DISP1: variants seen among roughly 807,000 people sequenced by gnomAD.
The protein encoded by DISP1 is protein dispatched homolog 1.
Under a neutral mutation model 37.3 loss-of-function variants are expected in DISP1, and 30 were observed. The observed-to-expected ratio is 0.80, with a 90% confidence interval of 0.60 to 1.09. The LOEUF (loss-of-function observed/expected upper bound fraction) is 1.09. Among genes scored for constraint, DISP1 ranks in the 50% least tolerant of loss-of-function variants. The pLI is 0.00. For missense variants in DISP1, 1,598 were observed against 1,879.5 expected (o/e 0.85, Z 2.77); for synonymous variants, 634 against 690.2 (o/e 0.92, Z 1.28).
intron 3 of DISP1, among the ~76,000 whole-genome samples, chr1:222,971,701 TC>T (rs1676970657): frequency 6.6e-6 from 1 of 152,120 alleles, no homozygotes; most frequent in African/African-American, 2.4e-5. Context: ...GAAGGCCTTG[TC>T]CTGTTAACAA....
intron 8 of DISP1, among the ~76,000 whole-genome samples, chr1:223,001,834 CATTCAG>C (rs1469748505): frequency 6.6e-6 from 1 of 152,186 alleles, no homozygotes; most frequent in African/African-American, 2.4e-5. Flanking sequence ...GGAGCACAAA[CATTCAG>C]ACCAAAGCAG....
intron 1 of DISP1, among the ~76,000 whole-genome samples, chr1:222,832,619 G>A (rs1375545285): frequency 6.6e-6 from 1 of 152,180 alleles, no homozygotes; most frequent in African/African-American, 2.4e-5. Context: ...TGAAGGCCCG[G>A]CATGGTGGCT....
intron 3 of DISP1, among the ~76,000 whole-genome samples, chr1:222,975,215 G>A (rs1677225070): frequency 6.6e-6 from 1 of 151,762 alleles, no homozygotes; most frequent in Admixed American, 6.6e-5. Context: ...TATAGAGATA[G>A]GGGCTCACTA....
In DISP1 at chr1:222,887,486, G is replaced by GTTTT. The variant is rs940346379; in HGVS notation, c.-158-40924_-158-40921dup. ...AATTTATAAATGTCACATTGTTTTT[G>GTTTT]TTTTTTTTTTTTTTTTTTTTTTTGA... On this transcript the variant is annotated intron_variant, in intron 1 of 8. Transcript: ENST00000675850. Among the ~76,000 whole-genome samples the GTTTT allele has an allele frequency of 2.1e-3, 172 of 83,114 alleles. 2 individuals are homozygous for GTTTT. The highest frequency in any genetic ancestry group is 2.3e-3 in the Non-Finnish European group (100 of 44,184). The allele number at this position is 83,114 out of a possible 152,430, so 54.5% of individuals were successfully genotyped here. A position where few individuals can be genotyped will look rare whatever the true frequency, so the allele number is the denominator to read the frequency against.
At chr1:222,911,197 T>TA in intron 1 of DISP1, among the ~76,000 whole-genome samples, 1 of 152,340 alleles carries the variant, frequency 6.6e-6, no homozygotes, top group East Asian at 1.9e-4. Context: ...CAGCTTTGGT[T>TA]AAAACCTGTT....
rs117117192 is a variant in DISP1 at position 222,934,299 on chromosome 1, G to T, written c.-18+5729G>T. Reference sequence around the variant, plus strand: ...TGATTCTCAGTTTTCTCTGTAATGGGTTTAATAATAAATTCACAGAGGTAT... The same window carrying T: ...TGATTCTCAGTTTTCTCTGTAATGGTTTTAATAATAAATTCACAGAGGTAT... On this transcript the variant is annotated intron_variant, in intron 2 of 8. Transcript: ENST00000675850. Among the ~76,000 whole-genome samples, 621 of 152,034 alleles carry T rather than the reference G, an allele frequency of 4.1e-3. 12 individuals carry two copies. The highest frequency in any genetic ancestry group is 0.017 in the South Asian group (82 of 4,816).
chr1:222,945,272 G>A (rs1674690182), intron 3 of DISP1, among the ~76,000 whole-genome samples: 3 of 151,380 alleles, frequency 2.0e-5, no homozygotes, highest in African/African-American at 7.3e-5. Context: ...ATGATAAGAA[G>A]TTCACCACAT....
intron 1 of DISP1, among the ~76,000 whole-genome samples, chr1:222,832,455 AAGAG>A (rs1192056347): frequency 6.6e-6 from 1 of 152,230 alleles, no homozygotes; most frequent in Non-Finnish European, 1.5e-5. Flanking sequence ...TACTGGTCCT[AAGAG>A]AGAACTATTT....
chr1:222,870,655 A>C (rs1190581930), intron 1 of DISP1, among the ~76,000 whole-genome samples: 3 of 151,698 alleles, frequency 2.0e-5, no homozygotes, highest in South Asian at 4.2e-4. Flanking sequence ...TTTTCTTGTA[A>C]ATTTGTTTGA....
At chr1:222,881,144 C>T (rs1252504064) in intron 1 of DISP1, among the ~76,000 whole-genome samples, 1 of 152,006 alleles carries the variant, frequency 6.6e-6, no homozygotes, top group Non-Finnish European at 1.5e-5. Flanking sequence ...CTTGACAGGC[C>T]TACTATATAT....
intron 3 of DISP1, among the ~76,000 whole-genome samples, chr1:222,951,418 G>A (rs1308147583): frequency 1.7e-5 from 1 of 59,808 alleles, no homozygotes; most frequent in Non-Finnish European, 3.2e-5. Context: ...AAAAAGACAA[G>A]AATTCTACCA....
intron 1 of DISP1, among the ~76,000 whole-genome samples, chr1:222,816,672 C>G (rs1661315148): frequency 6.6e-6 from 1 of 152,158 alleles, no homozygotes; most frequent in Non-Finnish European, 1.5e-5. Flanking sequence ...GTGAAATACA[C>G]AGTTATAACG....
At chr1:222,841,273 G>T (rs1415333791) in intron 1 of DISP1, among the ~76,000 whole-genome samples, 2 of 151,988 alleles carry the variant, frequency 1.3e-5, no homozygotes, top group Admixed American at 1.3e-4. Flanking sequence ...TTTTTAGTAG[G>T]ATCTCATAAC....
At chr1:222,932,835 A>G (rs921168751) in intron 2 of DISP1, among the ~76,000 whole-genome samples, 2 of 151,958 alleles carry the variant, frequency 1.3e-5, no homozygotes, top group African/African-American at 4.8e-5. Flanking sequence ...GATAATTGCA[A>G]TATTGTGAGA....
At chr1:222,867,811 C>A (rs1315260191) in intron 1 of DISP1, among the ~76,000 whole-genome samples, 1 of 152,106 alleles carries the variant, frequency 6.6e-6, no homozygotes, top group Non-Finnish European at 1.5e-5. Flanking sequence ...TTTATATAGG[C>A]AATGATCTAT....
At chr1:222,923,589 C>T (rs1327383052) in intron 1 of DISP1, among the ~76,000 whole-genome samples, 1 of 152,090 alleles carries the variant, frequency 6.6e-6, no homozygotes, top group Non-Finnish European at 1.5e-5. Flanking sequence ...CAAATAGTTT[C>T]ATTCTTTCCC....
chr1:222,995,434 A>G (rs1678987688), intron 8 of DISP1, among the ~76,000 whole-genome samples: 1 of 152,100 alleles, frequency 6.6e-6, no homozygotes, highest in Non-Finnish European at 1.5e-5. Context: ...CCTCAAAGGG[A>G]AATTTAGGGA....
chr1:222,943,129 C>T lies in DISP1; in HGVS notation c.306C>T (p.Pro102=), dbSNP rs142996186. 73 of 1,613,540 alleles carry T rather than the reference C, an allele frequency of 4.5e-5. No homozygotes were observed. The highest frequency in any genetic ancestry group is 5.9e-5 in the Non-Finnish European group (70 of 1,179,598). The change falls in exon 3 of 9, where the codon CCC becomes CCT. Residue 102 remains proline (P), a synonymous_variant. Transcript: ENST00000675850. ...ATAGCAGTCACCAAGAGTGCCATCC[C>T]GAGGCTGGCCCTGCAGCACCCTCTG... ...TSHSSHQECH[P]EAGPAAPSAL...
intron 3 of DISP1, among the ~76,000 whole-genome samples, chr1:222,972,236 C>T (rs568114298): frequency 6.6e-5 from 10 of 152,042 alleles, no homozygotes; most frequent in Non-Finnish European, 1.3e-4. Context: ...ATATTTATGA[C>T]AATAGATGCT....
Sources: allele counts gnomAD v4.1 joint callset (sites outside exome capture counted in the v4.1 genomes callset), GRCh38; gene constraint gnomAD v4.1.1; transcripts MANE v1.5; gene names NCBI Gene and HGNC (gene_info 2026-07-23, HGNC 2026-07-21).